CHD6: variants seen among roughly 807,000 people sequenced by gnomAD.
CHD6 encodes ATP-dependent chromatin remodeler CHD6.
CHD6 carries 50 observed loss-of-function variants against 276.9 expected under a neutral mutation model. That is an observed-to-expected ratio of 0.18 (90% CI 0.14 to 0.23). CHD6 has a LOEUF of 0.23. CHD6 is among the 10% of genes least tolerant of loss of function. The pLI is 1.00. For synonymous variants in CHD6, 1,173 were observed against 1,229.3 expected (o/e 0.95, Z 0.96); for missense variants, 2,564 against 3,365.8 (o/e 0.76, Z 5.89).
chr20:41,415,824 T>C (rs2046979225), intron 33 of CHD6, among the ~76,000 whole-genome samples, 186 bp from the exon 34 acceptor site: 1 of 152,228 alleles, frequency 6.6e-6, no homozygotes, highest in Non-Finnish European at 1.5e-5. Flanking sequence ...TCAGTGGGTC[T>C]GAGGTAGAGC....
chr20:41,590,440 G>C (rs1022134188), intron 1 of CHD6, among the ~76,000 whole-genome samples: 1 of 152,080 alleles, frequency 6.6e-6, no homozygotes, highest in African/African-American at 2.4e-5. Flanking sequence ...CACAGAATGG[G>C]AGAAAATTTT....
At position 41,404,839 on chromosome 20, in the gene CHD6, C is replaced by T; in HGVS notation, c.7902G>A (p.Met2634Ile). The T allele has an allele frequency of 6.2e-7, 1 of 1,614,120 alleles. No individual in the cohort carries two copies. Among genetic ancestry groups the T allele is most frequent in the Non-Finnish European group, 8.5e-7 (1 of 1,180,032 alleles). The change falls in exon 37 of 37, where the codon ATG (methionine) becomes ATA (isoleucine). Residue 2634 changes from methionine (M) to isoleucine (I), a missense_variant. Around this residue, in one of 7 missense-constraint regions of CHD6, gnomAD observed 238 missense variants for 266.0 expected, o/e 0.89. Transcript: ENST00000373233. ...TGGCCTGCTGCATGGCTGGCAGAGC[C>T]ATGCCCATACCAGGGGAGAGGAACA... Reference protein sequence around the residue: ...PSMFLSPGMGMALPAMQQARH... With the variant: ...PSMFLSPGMGIALPAMQQARH...
intron 1 of CHD6, among the ~76,000 whole-genome samples, chr20:41,588,675 C>T (rs1209900491): frequency 6.6e-6 from 1 of 152,130 alleles, no homozygotes; most frequent in African/African-American, 2.4e-5. Flanking sequence ...GCTAGTTAGG[C>T]CTAAATCTTT....
chr20:41,598,479 G>C lies in CHD6; in HGVS notation c.-24+19861C>G, dbSNP rs565970249. 3.5e-4 allele frequency among the ~76,000 whole-genome samples: 53 copies of C among 152,236 alleles called. 1 individual carries two copies. Among genetic ancestry groups the C allele is most frequent in the Middle Eastern group, 3.4e-3 (1 of 294 alleles). On this transcript the variant is annotated intron_variant, in intron 1 of 36. Transcript: ENST00000373233. ...AAGCGACTGTTAACGCTTGTGCAACGGGCAGGCCAGAAACCCAAATCATCC... is the reference window on the plus strand; with the variant it reads ...AAGCGACTGTTAACGCTTGTGCAACCGGCAGGCCAGAAACCCAAATCATCC...
At chr20:41,433,682 TA>T (rs894881182) in intron 27 of CHD6, among the ~76,000 whole-genome samples, 23 of 151,922 alleles carry the variant, frequency 1.5e-4, no homozygotes, top group African/African-American at 3.1e-4. Context: ...AAGAACACAG[TA>T]AAAAAAATAT....
At chr20:41,543,422 C>T (rs1348072798) in intron 2 of CHD6, among the ~76,000 whole-genome samples, 2 of 152,192 alleles carry the variant, frequency 1.3e-5, no homozygotes, top group African/African-American at 4.8e-5. Context: ...TAACCAACCT[C>T]TATTTTGTTT....
intron 1 of CHD6, among the ~76,000 whole-genome samples, chr20:41,552,979 C>T (rs2045168616): frequency 1.3e-5 from 2 of 152,136 alleles, no homozygotes; most frequent in South Asian, 4.1e-4. Context: ...CTGAAGAATC[C>T]ATAAATTCCA....
intron 1 of CHD6, among the ~76,000 whole-genome samples, chr20:41,602,881 A>T (rs1399138836): frequency 6.6e-6 from 1 of 152,030 alleles, no homozygotes; most frequent in Non-Finnish European, 1.5e-5. Context: ...TAGGGTCTCA[A>T]TATGCTGACC....
In CHD6 at chr20:41,579,776, C is replaced by G. The variant is rs138956533; in HGVS notation, c.-23-28416G>C. On this transcript the variant is annotated intron_variant, in intron 1 of 36. Transcript: ENST00000373233. ...TAGGAAAATTATTCAAAGAAACTGACCACTAAAACATGTTTTTAAACATGA... is the reference window on the plus strand; with the variant it reads ...TAGGAAAATTATTCAAAGAAACTGAGCACTAAAACATGTTTTTAAACATGA... 5.6e-3 allele frequency among the ~76,000 whole-genome samples: 854 copies of G among 152,220 alleles called. 8 individuals are homozygous for G. Among genetic ancestry groups the G allele is most frequent in the Middle Eastern group, 0.024 (7 of 294 alleles).
chr20:41,562,878 C>G (rs753519395), intron 1 of CHD6, among the ~76,000 whole-genome samples: 2 of 152,172 alleles, frequency 1.3e-5, no homozygotes, highest in Non-Finnish European at 2.9e-5. Context: ...AGCTGTAAAG[C>G]TTGGACTAAA....
intron 1 of CHD6, among the ~76,000 whole-genome samples, chr20:41,579,355 T>C (rs1189822222): frequency 1.4e-5 from 2 of 146,522 alleles, no homozygotes; most frequent in Non-Finnish European, 3.0e-5. Context: ...GGAGAGGTGC[T>C]TGAGCCCAGG....
chr20:41,500,183 A>G (rs927101418), intron 5 of CHD6, among the ~76,000 whole-genome samples: 1 of 152,218 alleles, frequency 6.6e-6, no homozygotes, highest in East Asian at 1.9e-4. Context: ...TTAAAACACC[A>G]TATGAAAAGA....
At chr20:41,407,857 C>T (rs911632059) in intron 36 of CHD6, among the ~76,000 whole-genome samples, 6 of 152,198 alleles carry the variant, frequency 3.9e-5, no homozygotes, top group African/African-American at 7.2e-5. Context: ...GCACTGATCA[C>T]GTGTCAGGCA....
Position 41,405,424 on chromosome 20 carries a change from G to A in CHD6, c.7317C>T (p.Pro2439=), listed in dbSNP as rs2046646420. The change falls in exon 37 of 37, where the codon CCC becomes CCT. Residue 2439 remains proline (P), a synonymous_variant. Coordinates refer to ENST00000373233, the MANE Select transcript of CHD6 (RefSeq NM_032221.5). ...LAEPILRDTG[P]RRRGRRPRSE... The stretch of plus-strand genomic sequence containing the variant: ...TCCGAGGCCGCCTCCCCCTCCTGCG[G>A]GGGCCCGTATCTCGAAGAATAGGCT... 6.2e-7 allele frequency: 1 copy of A among 1,610,306 alleles called. No individual in the cohort carries two copies. The highest frequency in any genetic ancestry group is 1.1e-5 in the South Asian group (1 of 90,672).
In CHD6 at chr20:41,533,261, C is replaced by G. The variant is rs778777480; in HGVS notation, c.343G>C (p.Glu115Gln). The change falls in exon 3 of 37, where the codon GAG (glutamate) becomes CAG (glutamine). Residue 115 changes from glutamate to glutamine, a missense_variant. Around this residue, in one of 7 missense-constraint regions of CHD6, gnomAD observed 286 missense variants for 297.8 expected, o/e 0.96. Coordinates refer to ENST00000373233, the MANE Select transcript of CHD6 (RefSeq NM_032221.5). ...EGAAKGSKDR[E>Q]PKPKRKREPK... ...TCTCGTTTCCTCTTTGGCTTGGGCT[C>G]TCTGTCCTTGCTTCCCTTTGCTGCA... The G allele has an allele frequency of 5.5e-5, 89 of 1,613,588 alleles. No homozygotes were observed. The South Asian group carries it at 9.8e-4, about 18-fold the overall frequency.
Position 41,493,949 on chromosome 20 carries a change from CACAA to C in CHD6, c.1093-9_1093-6del, listed in dbSNP as rs2043616676. The C allele has an allele frequency of 2.5e-6, 4 of 1,612,240 alleles. No individual in the cohort carries two copies. Among genetic ancestry groups the C allele is most frequent in the Non-Finnish European group, 3.4e-6 (4 of 1,178,428 alleles). On this transcript the variant is annotated splice_region_variant and splice_polypyrimidine_tract_variant and intron_variant, in intron 8 of 36. Transcript: ENST00000373233. ...ATTGAACAAGTCTTCATCAGGCTAA[CACAA>C]ACAGAGGAGAACAGTTAGGAAGTAT...
chr20:41,551,714 C>G (rs971214594), intron 1 of CHD6, among the ~76,000 whole-genome samples: 3 of 152,124 alleles, frequency 2.0e-5, no homozygotes, highest in African/African-American at 7.2e-5. Context: ...GTAAGGTAAG[C>G]CCTCATCCCT....
intron 1 of CHD6, among the ~76,000 whole-genome samples, chr20:41,576,215 T>G (rs994029517): frequency 6.6e-6 from 1 of 152,162 alleles, no homozygotes; most frequent in Non-Finnish European, 1.5e-5. Flanking sequence ...ATGAAGAAAA[T>G]TAGCCCTGTA....
chr20:41,506,838 G>T (rs2145934808), intron 5 of CHD6, among the ~76,000 whole-genome samples: 1 of 152,306 alleles, frequency 6.6e-6, no homozygotes, highest in East Asian at 1.9e-4. Flanking sequence ...CCAGAAATTA[G>T]ATAGTCCTTG....
Sources: allele counts gnomAD v4.1 joint callset (sites outside exome capture counted in the v4.1 genomes callset), GRCh38; gene constraint gnomAD v4.1.1; regional missense constraint gnomAD v4.1.1; transcripts MANE v1.5; gene names NCBI Gene and HGNC (gene_info 2026-07-23, HGNC 2026-07-21).